Variants in LIMS2 observed in about 807,000 individuals in gnomAD.
The protein encoded by LIMS2 is LIM zinc finger domain containing 2, also known as LIM and senescent cell antigen-like-containing domain protein 2.
Under a neutral mutation model 45.3 loss-of-function variants are expected in LIMS2, and 30 were observed. That is an observed-to-expected ratio of 0.66 (90% CI 0.50 to 0.90). The LOEUF (loss-of-function observed/expected upper bound fraction) is 0.90, where lower values mean the gene tolerates loss of function less well. Among genes scored for constraint, LIMS2 ranks in the 40% least tolerant of loss-of-function variants. The pLI, the probability that LIMS2 is intolerant of heterozygous loss-of-function variation, is 0.00. For synonymous variants in LIMS2, 173 were observed against 188.0 expected, an observed-to-expected ratio of 0.92 and a Z score of 0.65; for missense variants, 485 against 468.7, an observed-to-expected ratio of 1.03 and a Z score of -0.32.
rs1683842969 is a variant in LIMS2, at chr2:127,651,935, C to T, written c.359+2489G>A. 7.8e-6 allele frequency: 5 copies of T among 638,568 alleles called. No individual in the cohort carries two copies. The East Asian group carries it at 1.4e-4, about 18-fold the overall frequency. 39.6% of individuals were successfully genotyped at this position (638,568 alleles called of 1,614,324 possible). A position where few individuals can be genotyped will look rare whatever the true frequency, so the allele number is the denominator to read the frequency against. ...AAAAGGAAGAACTGACAAAGGGGAT[C>T]CATCGGCCACCCCTCTGCAGGGGCT... On this transcript the variant is annotated intron_variant, in intron 4 of 9. Coordinates refer to ENST00000355119, the MANE Select transcript of LIMS2 (RefSeq NM_001161403.3).
In LIMS2 at chr2:127,654,846, C is replaced by T. The variant is rs954820056; in HGVS notation, c.222G>A (p.Pro74=). Reference sequence around the variant, plus strand: ...CGGCCTTACCGCAGGATCCACAGCACGGAGCAAACAGCATTTGGAAGTCGT... The same window carrying T: ...CGGCCTTACCGCAGGATCCACAGCATGGAGCAAACAGCATTTGGAAGTCGT... ...CEHDFQMLFA[P]CCGSCGEFII... is the part of the protein sequence containing the mutation. The change falls in exon 3 of 10, where the codon CCG becomes CCA. Residue 74 remains proline, a synonymous_variant. Coordinates refer to ENST00000355119, the MANE Select transcript of LIMS2 (RefSeq NM_001161403.3). 1.6e-5 allele frequency: 26 copies of T among 1,614,164 alleles called. No individual in the cohort carries two copies. The highest frequency in any genetic ancestry group is 5.5e-5 in the South Asian group (5 of 91,084).
In LIMS2 at chr2:127,647,883, C is replaced by T. The variant is rs958383168; in HGVS notation, c.360-4811G>A. ...CCCCCCTCCCCTGCCACCGTCCCAC[C>T]GGTACCTGCTCCCTGTTCTCCCCTG... is the stretch of plus-strand genomic sequence containing the variant. On this transcript the variant is annotated intron_variant, in intron 4 of 9. Coordinates refer to ENST00000355119, the MANE Select transcript of LIMS2 (RefSeq NM_001161403.3). This position sits in a 1 kb window ranked among gnomAD's most constrained non-coding sequence, Gnocchi z 4.3. Among the ~76,000 whole-genome samples, 1 of 152,094 alleles carries T rather than the reference C, an allele frequency of 6.6e-6. No homozygotes were observed. Among genetic ancestry groups the T allele is most frequent in the Non-Finnish European group, 1.5e-5 (1 of 67,994 alleles).
In LIMS2 at chr2:127,647,006, C is replaced by T. The variant is rs568250213; in HGVS notation, c.360-3934G>A. Among the ~76,000 whole-genome samples, 3 of 152,270 alleles carry T rather than the reference C, an allele frequency of 2.0e-5. No individual in the cohort carries two copies. Among genetic ancestry groups the T allele is most frequent in the African/African-American group, 4.8e-5 (2 of 41,562 alleles). ...TCAGTCCCAGAGAGAGCGAGGGGCA[C>T]GCCCTTCGGCCCGGGCAGGAAGTGG... is the stretch of plus-strand genomic sequence containing the variant. On this transcript the variant is annotated intron_variant, in intron 4 of 9. Transcript: ENST00000355119. This position sits in a 1 kb window ranked among gnomAD's most constrained non-coding sequence, Gnocchi z 4.3.
chr2:127,650,071 C>A, intron 4 of LIMS2: 1 of 1,604,846 alleles, frequency 6.2e-7, no homozygotes, highest in Non-Finnish European at 8.5e-7. Context: ...TGCTGAAACT[C>A]TCAGGTGGGT....
chr2:127,650,207 C>T (rs1683586450), intron 4 of LIMS2: 1 of 779,000 alleles, frequency 1.3e-6, no homozygotes, highest in Non-Finnish European at 2.1e-6. Flanking sequence ...GGCCACTGCA[C>T]CTGTGGGCAG....
intron 4 of LIMS2, among the ~76,000 whole-genome samples, chr2:127,654,085 T>A (rs1018423678): frequency 2.6e-5 from 4 of 151,782 alleles, no homozygotes; most frequent in African/African-American, 9.7e-5. Context: ...AGAGTAAATG[T>A]GGGCATCTCC....
chr2:127,670,998 G>T (rs1685247087), intron 1 of LIMS2, among the ~76,000 whole-genome samples: 1 of 152,234 alleles, frequency 6.6e-6, no homozygotes. Context: ...TCTCACTAGG[G>T]TGGTCATCCT....
At position 127,638,960 on chromosome 2, in the gene LIMS2, G is replaced by A. The variant is rs891813954; in HGVS notation, c.*321C>T. 3.8e-5 allele frequency: 12 copies of A among 317,294 alleles called. No individual in the cohort carries two copies. Among genetic ancestry groups the A allele is most frequent in the Non-Finnish European group, 5.9e-5 (10 of 169,290 alleles). The allele number at this position is 317,294 out of a possible 1,614,324, so 19.7% of individuals were successfully genotyped here. A position where few individuals can be genotyped will look rare whatever the true frequency, so the allele number is the denominator to read the frequency against. On this transcript the variant is annotated 3_prime_UTR_variant, in exon 10 of 10. Transcript: ENST00000355119. ...CCGCCTGGGGAGGGCCAGGCCAGGC[G>A]GGGAGCTGTGGTGCAATTTGCTCCT...
rs1445525526 is a variant in LIMS2 at position 127,640,886 on chromosome 2, C to T, written c.753+10G>A. The stretch of plus-strand genomic sequence containing the variant: ...GACCCGCATCCCTGAAGGTTCTGCA[C>T]CGGGCTCACCTGGTTGTAGTGAGTC... On this transcript the variant is annotated intron_variant, in intron 7 of 9. Transcript: ENST00000355119. The T allele has an allele frequency of 6.2e-7, 1 of 1,612,756 alleles. No individual in the cohort carries two copies. Among genetic ancestry groups the T allele is most frequent in the South Asian group, 1.1e-5 (1 of 91,068 alleles).
chr2:127,664,661 G>A lies in LIMS2; in HGVS notation c.12-7099C>T, dbSNP rs940847353. The A allele has an allele frequency of 1.9e-6, 2 of 1,051,086 alleles. No homozygotes were observed. Among genetic ancestry groups the A allele is most frequent in the Non-Finnish European group, 2.3e-6 (2 of 867,776 alleles). 65.1% of individuals were successfully genotyped at this position (1,051,086 alleles called of 1,614,324 possible). A position where few individuals can be genotyped will look rare whatever the true frequency, so the allele number is the denominator to read the frequency against. On this transcript the variant is annotated intron_variant, in intron 1 of 9. Coordinates refer to ENST00000355119, the MANE Select transcript of LIMS2 (RefSeq NM_001161403.3). The surrounding 1 kb of genome is among the most constrained non-coding windows in gnomAD (Gnocchi z 5.5). ...CGGGGGTTGGGTCCCGCTGGGAGGG[G>A]ACTGGTCTGGGAAGGCCCCAGACAG...
At chr2:127,649,724 C>T (rs991160868) in intron 4 of LIMS2, among the ~76,000 whole-genome samples, 1 of 152,212 alleles carries the variant, frequency 6.6e-6, no homozygotes, top group Admixed American at 6.5e-5. Flanking sequence ...CCTATCCAGA[C>T]CCAGGGTTCA....
rs1254087427 is a variant in LIMS2, at chr2:127,653,203, G to A, written c.359+1221C>T. Among the ~76,000 whole-genome samples, 2 of 152,248 alleles carry A rather than the reference G, an allele frequency of 1.3e-5. 1 individual carries two copies. The highest frequency in any genetic ancestry group is 2.9e-5 in the Non-Finnish European group (2 of 68,046). ...AGCACACGGACAAGAGCTCGGTAGT[G>A]TCGGGGAAGCATCTCGGAGGAGCTG... On this transcript the variant is annotated intron_variant, in intron 4 of 9. Transcript: ENST00000355119. This position sits in a 1 kb window ranked among gnomAD's most constrained non-coding sequence, Gnocchi z 5.3.
At chr2:127,658,555 G>A (rs2105307269) in intron 1 of LIMS2, among the ~76,000 whole-genome samples, 1 of 152,324 alleles carries the variant, frequency 6.6e-6, no homozygotes, top group South Asian at 2.1e-4. Context: ...AGCCCACAGT[G>A]AGCCAGGCCC....
At chr2:127,676,407 CTTTTTTTTTT>C (rs10677718), upstream of LIMS2, among the ~76,000 whole-genome samples, 5 of 115,866 alleles carry the variant, frequency 4.3e-5, no homozygotes, top group Non-Finnish European at 8.5e-5. Flanking sequence ...GCAGTTGTTA[CTTTTTTTTTT>C]TTTTTTTTTT....
At chr2:127,658,387 A>G (rs953282371) in intron 1 of LIMS2, among the ~76,000 whole-genome samples, 1 of 152,196 alleles carries the variant, frequency 6.6e-6, no homozygotes, top group Non-Finnish European at 1.5e-5. Flanking sequence ...CCTGTCTCAA[A>G]ATAAAAAATA....
In LIMS2 at chr2:127,638,461, C is replaced by CCAA. The variant is rs1306916471; in HGVS notation, c.*817_*819dup. On this transcript the variant is annotated 3_prime_UTR_variant, in exon 10 of 10. Coordinates refer to ENST00000355119, the MANE Select transcript of LIMS2 (RefSeq NM_001161403.3). ...AAGCCTTCATTGTGCAAGCGTGAGC[C>CCAA]CAACAAACAAACACCAGGTCTGCGC... 5.2e-5 allele frequency: 7 copies of CCAA among 135,022 alleles called. No individual in the cohort carries two copies. The highest frequency in any genetic ancestry group is 2.2e-4 in the Admixed American group (3 of 13,814). The allele number at this position is 135,022 out of a possible 1,614,324, so 8.4% of individuals were successfully genotyped here.
intron 2 of LIMS2, among the ~76,000 whole-genome samples, chr2:127,656,842 T>TCC (rs1684291301): frequency 6.6e-6 from 1 of 152,156 alleles, no homozygotes; most frequent in African/African-American, 2.4e-5. Context: ...GAGATCCACC[T>TCC]CCCTTTCCTC....
chr2:127,640,590 G>A (rs1682306099), intron 7 of LIMS2: 2 of 599,464 alleles, frequency 3.3e-6, no homozygotes, highest in Admixed American at 3.0e-5. Flanking sequence ...GGTGGTGACT[G>A]CATCCCACCA....
At position 127,643,686 on chromosome 2, in the gene LIMS2, A is replaced by C. The variant is rs1382749187; in HGVS notation, c.360-614T>G. The C allele has an allele frequency of 2.8e-5, 12 of 435,658 alleles. No individual in the cohort carries two copies. In the Admixed American group the frequency reaches 2.9e-4, roughly 11 times the overall value. 27.0% of individuals were successfully genotyped at this position (435,658 alleles called of 1,614,324 possible). ...TGTGTTGGACGACAGCTGTGTTCTC[A>C]ACGGAGAGACAAATCAACATGGTTT... On this transcript the variant is annotated intron_variant, in intron 4 of 9. Transcript: ENST00000355119.
Sources: gnomAD v4.1 joint callset for allele counts (sites outside exome capture counted in the v4.1 genomes callset) on GRCh38, gnomAD v4.1.1 for gene constraint, Gnocchi (gnomAD v3.1) non-coding constraint, MANE v1.5 for transcripts, NCBI Gene and HGNC (gene_info 2026-07-23, HGNC 2026-07-21) for gene names.